Variants in SMAP2 observed in about 807,000 individuals in gnomAD.
SMAP2 encodes the protein small ArfGAP2, also known as stromal membrane-associated protein 2.
SMAP2 carries 25 observed loss-of-function variants against 56.4 expected under a neutral mutation model. That is an observed-to-expected ratio of 0.44 (90% confidence interval 0.32 to 0.62). SMAP2 has a LOEUF of 0.62. Ranked by LOEUF, SMAP2 falls within the 20% of genes least tolerant of loss-of-function variation. SMAP2 has a pLI of 0.04. For synonymous variants in SMAP2, 157 were observed against 181.7 expected (o/e 0.86, Z 1.09); for missense variants, 388 against 545.6 (o/e 0.71, Z 2.88).
At chr1:40,413,632 G>C (rs1644959068) in intron 5 of SMAP2, among the ~76,000 whole-genome samples, 1 of 152,252 alleles carries the variant, frequency 6.6e-6, no homozygotes, top group East Asian at 1.9e-4. Flanking sequence ...TGGGAGAGAG[G>C]ACTTTACTTA....
chr1:40,415,824 A>G (rs888844700), intron 7 of SMAP2, among the ~76,000 whole-genome samples: 4 of 152,184 alleles, frequency 2.6e-5, no homozygotes, highest in Non-Finnish European at 4.4e-5. Flanking sequence ...CAAAGTGGAA[A>G]TTTTACAGAT....
rs145247105 is a variant in SMAP2 at position 40,416,595 on chromosome 1, G to A, written c.848-185G>A. Among the ~76,000 whole-genome samples, 305 of 152,266 alleles carry A rather than the reference G, an allele frequency of 2.0e-3. 2 individuals are homozygous for A. In the Middle Eastern group the frequency reaches 0.031, roughly 15 times the overall value. On this transcript the variant is annotated intron_variant, in intron 8 of 9. Transcript: ENST00000372718. ...CTGGACCCTAAAGGGAAAATGGCTC[G>A]GTCAGCAGCCCATTGGTAAGCTATA...
chr1:40,360,517 G>T (rs544436659), intron 1 of SMAP2, among the ~76,000 whole-genome samples: 6 of 150,870 alleles, frequency 4.0e-5, no homozygotes, highest in African/African-American at 9.7e-5. Context: ...TGGCCAGGCT[G>T]GTCTCAAACT....
intron 1 of SMAP2, among the ~76,000 whole-genome samples, chr1:40,347,270 A>AAGC (rs1165939605): frequency 7.5e-6 from 1 of 133,692 alleles, no homozygotes; most frequent in East Asian, 2.0e-4. Flanking sequence ...TTTTTTTTTA[A>AAGC]AGCAAAGATG....
chr1:40,352,128 C>T (rs920714301), intron 1 of SMAP2, among the ~76,000 whole-genome samples: 3 of 152,074 alleles, frequency 2.0e-5, no homozygotes, highest in African/African-American at 7.2e-5. Context: ...ATTTTTCATA[C>T]AATTTCAGGG....
At chr1:40,393,595 GAGT>G (rs1390914950) in intron 1 of SMAP2, 1 of 1,264,376 alleles carries the variant, frequency 7.9e-7, no homozygotes, top group African/African-American at 1.6e-5. Context: ...GCCCAGGCTG[GAGT>G]ACAGTGGCTC....
intron 1 of SMAP2, among the ~76,000 whole-genome samples, chr1:40,359,522 T>C (rs1282988895): frequency 6.6e-6 from 1 of 152,238 alleles, no homozygotes; most frequent in African/African-American, 2.4e-5. Context: ...TCAGTGTTAT[T>C]ATTGGTAAGT....
chr1:40,374,978 C>T lies in SMAP2; in HGVS notation c.103+755C>T, dbSNP rs144797505. On this transcript the variant is annotated intron_variant, in intron 1 of 9. Transcript: ENST00000372718. The surrounding 1 kb of genome is among the most constrained non-coding windows in gnomAD (Gnocchi z 5.9). ...ATCAGTGGAGAGAGAAAGATGAATTCGATGAATTCATTGCTTCCATGGCGA... is the reference window on the plus strand; with the variant it reads ...ATCAGTGGAGAGAGAAAGATGAATTTGATGAATTCATTGCTTCCATGGCGA... 22 of 985,214 alleles carry T rather than the reference C, an allele frequency of 2.2e-5. No homozygotes were observed. The African/African-American group carries it at 2.4e-4, about 11-fold the overall frequency. The allele number at this position is 985,214 out of a possible 1,614,324, so 61.0% of individuals were successfully genotyped here.
intron 6 of SMAP2, among the ~76,000 whole-genome samples, chr1:40,414,972 C>T (rs1168057319): frequency 3.3e-5 from 5 of 152,192 alleles, no homozygotes; most frequent in African/African-American, 1.2e-4. Flanking sequence ...CTCCTCCATA[C>T]CTTGCCCTTC....
intron 2 of SMAP2, among the ~76,000 whole-genome samples, chr1:40,362,670 T>C (rs537490858): frequency 1.3e-5 from 2 of 152,332 alleles, no homozygotes; most frequent in South Asian, 4.1e-4. Flanking sequence ...CCCAGTGTTC[T>C]GCCATTTCAC....
At chr1:40,378,174 G>A (rs2124216028) in intron 1 of SMAP2, among the ~76,000 whole-genome samples, 1 of 152,222 alleles carries the variant, frequency 6.6e-6, no homozygotes, top group Admixed American at 6.5e-5. Flanking sequence ...ACCCAGGCTG[G>A]AGTGCAGTGG....
intron 1 of SMAP2, among the ~76,000 whole-genome samples, chr1:40,379,042 A>G (rs912710033): frequency 6.6e-6 from 1 of 151,140 alleles, no homozygotes; most frequent in Non-Finnish European, 1.5e-5. Flanking sequence ...TGCGATGGCA[A>G]GATCTTGGTT....
In SMAP2 at chr1:40,422,476, CAG is replaced by C. The variant is rs571805144; in HGVS notation, c.*376_*377del. ...CTGTGGGTGTTGTATATTAGGCAAA[CAG>C]GGGAAAGCTTAGAGGTCCTTCTATA... is the stretch of plus-strand genomic sequence containing the variant. On this transcript the variant is annotated 3_prime_UTR_variant, in exon 10 of 10. Coordinates refer to ENST00000372718, the MANE Select transcript of SMAP2 (RefSeq NM_022733.3). The C allele has an allele frequency of 1.8e-4, 38 of 217,026 alleles. No individual in the cohort carries two copies. The highest frequency in any genetic ancestry group is 4.9e-4 in the African/African-American group (22 of 45,248). 13.4% of individuals were successfully genotyped at this position (217,026 alleles called of 1,614,324 possible).
At chr1:40,353,680 A>G (rs1463551579) in intron 1 of SMAP2, among the ~76,000 whole-genome samples, 1 of 152,082 alleles carries the variant, frequency 6.6e-6, no homozygotes, top group African/African-American at 2.4e-5. Context: ...GCTTCTTAAA[A>G]GAGACTGCTG....
chr1:40,346,318 T>G (rs1449845167), intron 1 of SMAP2, among the ~76,000 whole-genome samples: 1 of 152,108 alleles, frequency 6.6e-6, no homozygotes, highest in African/African-American at 2.4e-5. Flanking sequence ...CATTGTGCAT[T>G]TAATAAATTG....
chr1:40,399,710 AAAAAG>A lies in SMAP2; in HGVS notation c.104-7012_104-7008del, dbSNP rs1413539642. Among the ~76,000 whole-genome samples the A allele has an allele frequency of 1.5e-3, 138 of 90,252 alleles. 3 individuals are homozygous for A. The highest frequency in any genetic ancestry group is 0.014 in the Middle Eastern group (2 of 138). 59.2% of individuals were successfully genotyped at this position (90,252 alleles called of 152,430 possible). On this transcript the variant is annotated intron_variant, in intron 1 of 9. Transcript: ENST00000372718. Reference sequence around the variant, plus strand: ...GAGTAAGACCCTGTCTCAAAAAAAAAAAAAGAAAAGAAAAGAAAGAGTGAAAAAAA... The same window carrying A: ...GAGTAAGACCCTGTCTCAAAAAAAAAAAAAGAAAAGAAAGAGTGAAAAAAA...
At chr1:40,383,006 A>G (rs1255452368) in intron 1 of SMAP2, among the ~76,000 whole-genome samples, 3 of 152,236 alleles carry the variant, frequency 2.0e-5, no homozygotes, top group African/African-American at 7.2e-5. Context: ...TATGTTTGGA[A>G]GGCCCTATGT....
At chr1:40,348,740 C>T (rs1261520391) in intron 1 of SMAP2, among the ~76,000 whole-genome samples, 1 of 152,018 alleles carries the variant, frequency 6.6e-6, no homozygotes, top group Non-Finnish European at 1.5e-5. Flanking sequence ...CAAAGAAATA[C>T]AAATCAGTAG....
chr1:40,409,822 T>G lies in SMAP2; in HGVS notation c.389T>G (p.Ile130Ser). The change falls in exon 4 of 10, where the codon ATC becomes AGC. Residue 130 changes from isoleucine (I) to serine (S), a missense_variant. Ile to Ser is a moderately radical substitution (Grantham distance 142). Transcript: ENST00000372718. ...KKKYMDRSLD[I>S]NAFRKEKDDK... ...AAATACATGGACCGAAGTCTGGACA[T>G]CAATGCCTTTAGGGTTGGTTATACA... The G allele has an allele frequency of 6.2e-7, 1 of 1,610,228 alleles. No individual in the cohort carries two copies. Among genetic ancestry groups the G allele is most frequent in the Non-Finnish European group, 8.5e-7 (1 of 1,176,410 alleles).
Sources: allele counts gnomAD v4.1 joint callset (sites outside exome capture counted in the v4.1 genomes callset), GRCh38; gene constraint gnomAD v4.1.1; non-coding constraint Gnocchi (gnomAD v3.1); transcripts MANE v1.5; gene names NCBI Gene and HGNC (gene_info 2026-07-23, HGNC 2026-07-21).